The following PARP8 variants were observed in gnomAD, a reference collection of about 807,000 sequenced individuals.
PARP8 encodes protein mono-ADP-ribosyltransferase PARP8.
Under a neutral mutation model 124.1 loss-of-function variants are expected in PARP8, and 51 were observed. The observed-to-expected ratio is 0.41, with a 90% CI of 0.33 to 0.52. The LOEUF (loss-of-function observed/expected upper bound fraction) is 0.52. PARP8 is among the 20% of genes least tolerant of loss of function. The probability of loss-of-function intolerance (pLI) is 0.21; values close to 1 mark genes in which losing one functional copy is unlikely to be tolerated. For synonymous variants in PARP8, 391 were observed against 361.5 expected, an observed-to-expected ratio of 1.08 and a Z score of -0.93; for missense variants, 860 against 1,018.9, an observed-to-expected ratio of 0.84 and a Z score of 2.12.
chr5:50,822,911 G>A (rs1405970317), intron 17 of PARP8, among the ~76,000 whole-genome samples: 1 of 152,178 alleles, frequency 6.6e-6, no homozygotes, highest in East Asian at 1.9e-4. Context: ...TGATGAGCAA[G>A]GATCGGGGTT....
intron 12 of PARP8, among the ~76,000 whole-genome samples, chr5:50,796,383 C>T (rs975300903): frequency 2.0e-5 from 3 of 152,138 alleles, no homozygotes; most frequent in African/African-American, 7.2e-5. Flanking sequence ...GACAATTTCA[C>T]ATGAGCATCC....
At position 50,815,657 on chromosome 5, in the gene PARP8, GA is replaced by G. The variant is rs576043196; in HGVS notation, c.1668+134del. The G allele has an allele frequency of 1.1e-4, 60 of 545,930 alleles. No homozygotes were observed. The East Asian group carries it at 1.5e-3, about 14-fold the overall frequency. The allele number at this position is 545,930 out of a possible 1,614,324, so 33.8% of individuals were successfully genotyped here. A position where few individuals can be genotyped will look rare whatever the true frequency, so the allele number is the denominator to read the frequency against. On this transcript the variant is annotated intron_variant, in intron 15 of 25. Transcript: ENST00000281631. ...CTAGTTAAGTGGCAAATTGGCATTTGATTTTTTTTATATGTAAACTAAATGT... is the reference window on the plus strand; with the variant it reads ...CTAGTTAAGTGGCAAATTGGCATTTGTTTTTTTTATATGTAAACTAAATGT...
At chr5:50,778,511 T>C (rs553317604) in intron 8 of PARP8, 49 bp from the exon 9 acceptor site, 133 of 1,468,906 alleles carry the variant, frequency 9.1e-5, no homozygotes, top group Non-Finnish European at 1.2e-4. Flanking sequence ...TTTTTTTCAT[T>C]TTGAACTCTA....
At chr5:50,828,713 C>T (rs571380644) in intron 21 of PARP8, among the ~76,000 whole-genome samples, 2 of 150,244 alleles carry the variant, frequency 1.3e-5, no homozygotes, top group Admixed American at 6.7e-5. Flanking sequence ...AACCCTGTCT[C>T]TATTAAAAAT....
intron 7 of PARP8, among the ~76,000 whole-genome samples, chr5:50,767,780 C>G (rs181904258): frequency 6.6e-6 from 1 of 152,300 alleles, no homozygotes; most frequent in African/African-American, 2.4e-5. Context: ...TCACAAACAT[C>G]TCTCCCACGC....
chr5:50,687,535 C>T (rs1455743599), intron 2 of PARP8, among the ~76,000 whole-genome samples: 1 of 152,170 alleles, frequency 6.6e-6, no homozygotes, highest in Non-Finnish European at 1.5e-5. Context: ...CCACTCTCTA[C>T]TGGTGCCAAT....
At chr5:50,717,993 C>G (rs1433785851) in intron 2 of PARP8, among the ~76,000 whole-genome samples, 1 of 151,686 alleles carries the variant, frequency 6.6e-6, no homozygotes, top group African/African-American at 2.4e-5. Context: ...GGGACTCTTT[C>G]AAGAAACGTT....
intron 2 of PARP8, among the ~76,000 whole-genome samples, chr5:50,734,162 G>A (rs1405033390): frequency 6.6e-6 from 1 of 152,002 alleles, no homozygotes; most frequent in Non-Finnish European, 1.5e-5. Flanking sequence ...TTTTTACGGC[G>A]GTTTTATTTC....
At chr5:50,678,337 T>C (rs1750870977) in intron 2 of PARP8, among the ~76,000 whole-genome samples, 1 of 152,176 alleles carries the variant, frequency 6.6e-6, no homozygotes, top group Non-Finnish European at 1.5e-5. Flanking sequence ...GTTTGAAATG[T>C]GTTTGTGTGT....
At chr5:50,784,206 AAC>A (rs1388176821) in intron 9 of PARP8, among the ~76,000 whole-genome samples, 1 of 152,198 alleles carries the variant, frequency 6.6e-6, no homozygotes, top group Non-Finnish European at 1.5e-5. Context: ...ATGTATAAAT[AAC>A]AGTTATTTAA....
At chr5:50,838,216 A>T (rs1022439497) in intron 25 of PARP8, among the ~76,000 whole-genome samples, 1 of 152,094 alleles carries the variant, frequency 6.6e-6, no homozygotes, top group East Asian at 1.9e-4. Flanking sequence ...TATACATCAA[A>T]GAGACTCGAA....
intron 10 of PARP8, among the ~76,000 whole-genome samples, chr5:50,793,556 A>G (rs895650527): frequency 2.0e-5 from 3 of 152,192 alleles, no homozygotes; most frequent in Non-Finnish European, 4.4e-5. Context: ...TATGATATTA[A>G]CTAAACAAAC....
At chr5:50,675,157 G>A (rs1056692923) in intron 2 of PARP8, among the ~76,000 whole-genome samples, 3 of 152,192 alleles carry the variant, frequency 2.0e-5, no homozygotes, top group Admixed American at 6.5e-5. Flanking sequence ...TCAAGTTTCT[G>A]TGTACAAAAA....
intron 14 of PARP8, among the ~76,000 whole-genome samples, chr5:50,801,205 A>G (rs1743184604): frequency 6.6e-6 from 1 of 151,920 alleles, no homozygotes; most frequent in Non-Finnish European, 1.5e-5. Flanking sequence ...GGTTCAAGTG[A>G]TTCTCCTGCC....
chr5:50,759,754 A>ATACTAGGTT, intron 4 of PARP8, 22 bp downstream of exon 4: 1 of 1,535,930 alleles, frequency 6.5e-7, no homozygotes, highest in Non-Finnish European at 8.7e-7. Flanking sequence ...ATTATTTTTT[A>ATACTAGGTT]TACTAGGTTA....
intron 2 of PARP8, among the ~76,000 whole-genome samples, chr5:50,708,386 T>G (rs1256957845): frequency 1.3e-5 from 2 of 152,134 alleles, no homozygotes; most frequent in Non-Finnish European, 2.9e-5. Context: ...GAAAACTTTA[T>G]TCTTTGTAAA....
rs886545711 is a variant in PARP8 at position 50,843,465 on chromosome 5, G to A, written c.*1397G>A. ...GTCTGGCATAAAAGGTGAGAAAAAGGTCATACATGTTGTTAAGGGTAGCAG... is the reference window on the plus strand; with the variant it reads ...GTCTGGCATAAAAGGTGAGAAAAAGATCATACATGTTGTTAAGGGTAGCAG... On this transcript the variant is annotated 3_prime_UTR_variant, in exon 26 of 26. Transcript: ENST00000281631. The A allele has an allele frequency of 1.3e-5, 2 of 151,772 alleles. No homozygotes were observed. Among genetic ancestry groups the A allele is most frequent in the African/African-American group, 4.8e-5 (2 of 41,382 alleles). 9.4% of individuals were successfully genotyped at this position (151,772 alleles called of 1,614,324 possible). A position where few individuals can be genotyped will look rare whatever the true frequency, so the allele number is the denominator to read the frequency against.
intron 2 of PARP8, among the ~76,000 whole-genome samples, chr5:50,689,986 C>T (rs1752323595): frequency 6.6e-6 from 1 of 152,170 alleles, no homozygotes; most frequent in South Asian, 2.1e-4. Context: ...TTTGATCATC[C>T]ATCTATTTCT....
At chr5:50,725,118 A>G (rs1388659948) in intron 2 of PARP8, among the ~76,000 whole-genome samples, 1 of 150,822 alleles carries the variant, frequency 6.6e-6, no homozygotes, top group Non-Finnish European at 1.5e-5. Flanking sequence ...TATACTATAT[A>G]TGTATAGATA....
Sources: gnomAD v4.1 joint callset for allele counts (sites outside exome capture counted in the v4.1 genomes callset) on GRCh38, gnomAD v4.1.1 for gene constraint, MANE v1.5 for transcripts, NCBI Gene and HGNC (gene_info 2026-07-23, HGNC 2026-07-21) for gene names.